NEGR1: variants seen among roughly 807,000 people sequenced by gnomAD.
The protein encoded by NEGR1 is IgLON family member 4.
A neutral mutation model predicts 40.9 loss-of-function variants in NEGR1; 10 were observed. That is an observed-to-expected ratio of 0.24 (90% CI 0.15 to 0.42). The LOEUF is 0.42. NEGR1 is among the 10% of genes least tolerant of loss of function. The pLI is 1.00. For synonymous variants in NEGR1, 185 were observed against 166.8 expected (o/e 1.11, Z -0.84); for missense variants, 352 against 438.9 (o/e 0.80, Z 1.77).
chr1:72,096,712 A>C (rs1405992160), intron 1 of NEGR1, among the ~76,000 whole-genome samples: 1 of 151,780 alleles, frequency 6.6e-6, no homozygotes, highest in African/African-American at 2.4e-5. Flanking sequence ...TCCAGGCTGG[A>C]GTGCAGTGGT....
intron 1 of NEGR1, among the ~76,000 whole-genome samples, chr1:72,269,281 A>G (rs1172389601): frequency 1.3e-5 from 2 of 151,766 alleles, no homozygotes; most frequent in South Asian, 4.1e-4. Flanking sequence ...ATCTTGGGAA[A>G]TAATGGTGCT....
chr1:72,213,007 G>A (rs1653666838), intron 1 of NEGR1, among the ~76,000 whole-genome samples: 1 of 151,850 alleles, frequency 6.6e-6, no homozygotes. Context: ...TATGGAGTAG[G>A]GGTGAGAAGC....
chr1:71,587,017 C>A (rs1649330270), intron 6 of NEGR1, among the ~76,000 whole-genome samples: 2 of 152,074 alleles, frequency 1.3e-5, no homozygotes, highest in African/African-American at 2.4e-5. Context: ...TCAATAATCA[C>A]CAAGTCTAAA....
chr1:72,093,115 G>A (rs534343255), intron 1 of NEGR1, among the ~76,000 whole-genome samples: 21 of 151,946 alleles, frequency 1.4e-4, no homozygotes, highest in Non-Finnish European at 2.8e-4. Context: ...GGCAGATCAC[G>A]AGGTCAGGAC....
chr1:71,662,675 A>AT (rs1652105986), intron 4 of NEGR1, among the ~76,000 whole-genome samples: 1 of 151,528 alleles, frequency 6.6e-6, no homozygotes, highest in Non-Finnish European at 1.5e-5. Context: ...ACGTCAAAAT[A>AT]TATACAATCA....
chr1:72,095,554 G>A (rs1260257311), intron 1 of NEGR1, among the ~76,000 whole-genome samples: 1 of 151,996 alleles, frequency 6.6e-6, no homozygotes, highest in Non-Finnish European at 1.5e-5. Context: ...TTTGGATCAT[G>A]TTATATTCTA....
At chr1:71,964,481 A>G (rs973286201) in intron 1 of NEGR1, among the ~76,000 whole-genome samples, 2 of 152,110 alleles carry the variant, frequency 1.3e-5, no homozygotes, top group African/African-American at 4.8e-5. Context: ...TGAGGCTTTG[A>G]TTCCTACCTG....
intron 1 of NEGR1, among the ~76,000 whole-genome samples, chr1:72,178,142 CT>C (rs150455305): frequency 0.035 from 5,243 of 150,546 alleles, 294 homozygotes; most frequent in African/African-American, 0.12. Context: ...TGTTTTTGTT[CT>C]TTTTTTTTAG....
chr1:71,748,537 T>C (rs1438436641), intron 3 of NEGR1, among the ~76,000 whole-genome samples: 2 of 152,194 alleles, frequency 1.3e-5, no homozygotes, highest in Non-Finnish European at 2.9e-5. Context: ...TAATGACCTA[T>C]GATACCTGTA....
chr1:72,041,797 T>G (rs1646957013), intron 1 of NEGR1, among the ~76,000 whole-genome samples: 1 of 147,286 alleles, frequency 6.8e-6, no homozygotes, highest in Non-Finnish European at 1.5e-5. Context: ...AAGTATTTCT[T>G]AAATATATAT....
intron 1 of NEGR1, among the ~76,000 whole-genome samples, chr1:72,119,994 A>G (rs973195224): frequency 1.3e-5 from 2 of 151,996 alleles, no homozygotes; most frequent in African/African-American, 4.8e-5. Flanking sequence ...ATTACGAAAA[A>G]TGACTCAAAT....
At chr1:71,895,671 A>G (rs970417020) in intron 2 of NEGR1, among the ~76,000 whole-genome samples, 5 of 152,200 alleles carry the variant, frequency 3.3e-5, no homozygotes, top group African/African-American at 1.2e-4. Context: ...CTATGGCTCT[A>G]TCACATTTGT....
chr1:71,844,561 C>G (rs1308193701), intron 2 of NEGR1, among the ~76,000 whole-genome samples: 1 of 152,118 alleles, frequency 6.6e-6, no homozygotes, highest in Non-Finnish European at 1.5e-5. Flanking sequence ...AACTACAATC[C>G]TGCCAACAGT....
intron 1 of NEGR1, among the ~76,000 whole-genome samples, chr1:72,156,432 A>C (rs1224846452): frequency 6.6e-6 from 1 of 152,172 alleles, no homozygotes; most frequent in East Asian, 1.9e-4. Flanking sequence ...AGAAAGAATC[A>C]TCTAATTTCT....
chr1:71,790,013 G>C (rs1041234868), intron 2 of NEGR1, among the ~76,000 whole-genome samples: 5 of 152,082 alleles, frequency 3.3e-5, no homozygotes, highest in Non-Finnish European at 7.4e-5. Flanking sequence ...GGGTTGAGAG[G>C]AATAAACATC....
intron 2 of NEGR1, among the ~76,000 whole-genome samples, chr1:71,816,585 A>C (rs1260647704): frequency 1.3e-5 from 2 of 151,816 alleles, no homozygotes; most frequent in South Asian, 4.2e-4. Context: ...ATAAATACAC[A>C]CCCCCAAGAT....
chr1:71,776,070 A>G (rs1656496413), intron 3 of NEGR1, 102 bp downstream of exon 3: 1 of 593,254 alleles, frequency 1.7e-6, no homozygotes, highest in Non-Finnish European at 2.6e-6. Context: ...TGAATAAAAT[A>G]CAAAAAATTA....
At chr1:71,958,482 C>CA (rs1399425833) in intron 1 of NEGR1, among the ~76,000 whole-genome samples, 2 of 152,050 alleles carry the variant, frequency 1.3e-5, no homozygotes, top group African/African-American at 4.8e-5. Flanking sequence ...TCTCATACTC[C>CA]AGGGAATCAT....
intron 6 of NEGR1, among the ~76,000 whole-genome samples, chr1:71,495,938 T>C (rs1355996877): frequency 2.0e-5 from 3 of 152,192 alleles, no homozygotes; most frequent in African/African-American, 4.8e-5. Context: ...TTGATGATGG[T>C]ATTTGATAAT....
Sources: allele counts gnomAD v4.1 joint callset (sites outside exome capture counted in the v4.1 genomes callset), GRCh38; gene constraint gnomAD v4.1.1; transcripts MANE v1.5; gene names NCBI Gene and HGNC (gene_info 2026-07-23, HGNC 2026-07-21).